EXOC4: variants seen among roughly 807,000 people sequenced by gnomAD.
EXOC4 encodes exocyst complex component 4.
Under a neutral mutation model 107.2 loss-of-function variants are expected in EXOC4, and 71 were observed. The ratio of observed to expected loss-of-function variants is 0.66; its 90% CI spans 0.55 to 0.81. The LOEUF (loss-of-function observed/expected upper bound fraction) is 0.81. EXOC4 is among the 30% of genes least tolerant of loss of function. EXOC4 has a pLI of 0.00. For synonymous variants in EXOC4, 456 were observed against 441.2 expected, an observed-to-expected ratio of 1.03 and a Z score of -0.42; for missense variants, 1,108 against 1,189.6, an observed-to-expected ratio of 0.93 and a Z score of 1.01.
At chr7:133,410,817 T>C (rs1797339513) in intron 7 of EXOC4, among the ~76,000 whole-genome samples, 1 of 152,180 alleles carries the variant, frequency 6.6e-6, no homozygotes, top group Admixed American at 6.5e-5. Context: ...GCTTTAAAAA[T>C]AATGTCACAT....
At chr7:134,038,056 C>G (rs1014250389) in intron 17 of EXOC4, among the ~76,000 whole-genome samples, 1 of 152,076 alleles carries the variant, frequency 6.6e-6, no homozygotes, top group African/African-American at 2.4e-5. Flanking sequence ...CAATCTAGGC[C>G]CCCTATACCT....
At chr7:133,306,205 C>G in intron 4 of EXOC4, 144 bp downstream of exon 4, 1 of 625,692 alleles carries the variant, frequency 1.6e-6, no homozygotes, top group Non-Finnish European at 2.7e-6. Context: ...TTTATAATAG[C>G]AAATACTCCA....
intron 11 of EXOC4, among the ~76,000 whole-genome samples, chr7:133,868,727 C>T (rs367793616): frequency 6.6e-6 from 1 of 152,136 alleles, no homozygotes. Flanking sequence ...AGGAACTGAC[C>T]TCTCTAATCT....
At chr7:133,287,514 C>T (rs1458695830) in intron 2 of EXOC4, among the ~76,000 whole-genome samples, 4 of 152,048 alleles carry the variant, frequency 2.6e-5, no homozygotes, top group Non-Finnish European at 2.9e-5. Context: ...AGGGTTTCAC[C>T]GTGTTAGCCA....
intron 10 of EXOC4, among the ~76,000 whole-genome samples, chr7:133,678,091 A>T (rs999394131): frequency 1.2e-4 from 18 of 152,224 alleles, no homozygotes; most frequent in African/African-American, 4.3e-4. Flanking sequence ...GCTGCTATAT[A>T]AAAAAGAATA....
intron 10 of EXOC4, among the ~76,000 whole-genome samples, chr7:133,692,661 T>G (rs1283270430): frequency 6.6e-6 from 1 of 152,228 alleles, no homozygotes; most frequent in Non-Finnish European, 1.5e-5. Flanking sequence ...GAAAATATTT[T>G]AAAAGTCAAT....
intron 14 of EXOC4, among the ~76,000 whole-genome samples, chr7:133,952,210 A>G (rs763781351): frequency 6.6e-6 from 1 of 152,146 alleles, no homozygotes; most frequent in African/African-American, 2.4e-5. Context: ...TTCAGTAAAA[A>G]CTATAACAAA....
At chr7:133,417,040 G>C (rs148572881) in intron 7 of EXOC4, among the ~76,000 whole-genome samples, 29 of 152,282 alleles carry the variant, frequency 1.9e-4, no homozygotes, top group African/African-American at 5.5e-4. Context: ...TATGAATGAT[G>C]AGGTCTATAT....
At chr7:133,941,821 T>TTCTCTCTCTCCCTCTCTCTC (rs1800435555) in intron 14 of EXOC4, among the ~76,000 whole-genome samples, 1 of 129,544 alleles carries the variant, frequency 7.7e-6, no homozygotes, top group Non-Finnish European at 1.7e-5. Context: ...TGCTTACAGA[T>TTCTCTCTCTCCCTCTCTCTC]TCTCTCTCTC....
intron 5 of EXOC4, among the ~76,000 whole-genome samples, chr7:133,339,846 G>C (rs1795616793): frequency 6.6e-6 from 1 of 152,154 alleles, no homozygotes; most frequent in Non-Finnish European, 1.5e-5. Flanking sequence ...CTACTGATTT[G>C]TGTACATTGA....
chr7:133,437,880 C>T (rs573080086), intron 7 of EXOC4, among the ~76,000 whole-genome samples: 1 of 152,246 alleles, frequency 6.6e-6, no homozygotes, highest in African/African-American at 2.4e-5. Context: ...AGAATTAGTT[C>T]AGTTTCTTAG....
At chr7:133,853,283 G>A (rs1329504386) in intron 11 of EXOC4, among the ~76,000 whole-genome samples, 1 of 150,056 alleles carries the variant, frequency 6.7e-6, no homozygotes, top group Admixed American at 6.7e-5. Context: ...CTTTCTGTTT[G>A]TCTGTCCCTC....
chr7:133,651,695 T>C (rs997343468), intron 10 of EXOC4, among the ~76,000 whole-genome samples: 4 of 152,168 alleles, frequency 2.6e-5, no homozygotes, highest in Admixed American at 1.3e-4. Context: ...TTTTTAAATA[T>C]ATTTTTTGAG....
Position 133,756,979 on chromosome 7 carries a change from T to C in EXOC4, c.1515-60346T>C, listed in dbSNP as rs531148834. Among the ~76,000 whole-genome samples, 4 of 152,296 alleles carry C rather than the reference T, an allele frequency of 2.6e-5. No homozygotes were observed. The East Asian group carries it at 7.7e-4, about 29-fold the overall frequency. ...AAGGGGAAAATGGGCAAGGTCACGA[T>C]GGTCTAGCTGCTTTTTAAAAATATG... On this transcript the variant is annotated intron_variant, in intron 10 of 17. Coordinates refer to ENST00000253861, the MANE Select transcript of EXOC4 (RefSeq NM_021807.4).
intron 10 of EXOC4, among the ~76,000 whole-genome samples, chr7:133,692,509 T>G (rs1794443723): frequency 6.6e-6 from 1 of 152,176 alleles, no homozygotes; most frequent in African/African-American, 2.4e-5. Context: ...CTCAGGAAAT[T>G]ATTGTTGTGT....
At chr7:133,323,158 CAG>C (rs1795154420) in intron 5 of EXOC4, among the ~76,000 whole-genome samples, 1 of 152,158 alleles carries the variant, frequency 6.6e-6, no homozygotes, top group Admixed American at 6.5e-5. Context: ...CATCTGCAAA[CAG>C]AGACAATTGG....
chr7:134,041,252 C>T (rs1795510142), intron 17 of EXOC4, among the ~76,000 whole-genome samples: 1 of 152,146 alleles, frequency 6.6e-6, no homozygotes, highest in South Asian at 2.1e-4. Context: ...CTTCTTTAGA[C>T]CCAGTAGTCA....
chr7:133,958,390 A>C (rs191473644), intron 14 of EXOC4, among the ~76,000 whole-genome samples: 1 of 152,174 alleles, frequency 6.6e-6, no homozygotes, highest in Non-Finnish European at 1.5e-5. Flanking sequence ...AGGATTAAAT[A>C]GTATGATTAC....
intron 11 of EXOC4, among the ~76,000 whole-genome samples, chr7:133,842,022 A>C (rs985996347): frequency 6.6e-6 from 1 of 152,142 alleles, no homozygotes. Context: ...CACGGTGTAT[A>C]TGTACCACAT....
Sources: gnomAD v4.1 joint callset for allele counts (sites outside exome capture counted in the v4.1 genomes callset) on GRCh38, gnomAD v4.1.1 for gene constraint, MANE v1.5 for transcripts, NCBI Gene and HGNC (gene_info 2026-07-23, HGNC 2026-07-21) for gene names.